Variants in MMP24 observed in about 807,000 individuals in gnomAD.
The protein encoded by MMP24 is matrix metallopeptidase 24, also known as matrix metalloproteinase-24.
In MMP24, 25 loss-of-function variants were observed where a neutral mutation model predicts 62.8. The observed-to-expected ratio is 0.40, with a 90% CI of 0.29 to 0.56. The LOEUF is 0.56. Among genes scored for constraint, MMP24 ranks in the 20% least tolerant of loss-of-function variants. MMP24 has a pLI of 0.50. For synonymous variants in MMP24, 319 were observed against 350.5 expected (o/e 0.91, Z 1.00); for missense variants, 634 against 853.6 (o/e 0.74, Z 3.21).
intron 2 of MMP24, among the ~76,000 whole-genome samples, chr20:35,247,609 C>T (rs925492284): frequency 2.6e-5 from 4 of 152,112 alleles, no homozygotes; most frequent in East Asian, 1.9e-4. Context: ...TAAAGATTCA[C>T]GGGCAGGGTG....
At position 35,241,518 on chromosome 20, in the gene MMP24, G is replaced by GTGTTTAGTTCTGGCCTA. The variant is rs375823632; in HGVS notation, c.247-5319_247-5318insTTAGTTCTGGCCTATGT. Among the ~76,000 whole-genome samples the GTGTTTAGTTCTGGCCTA allele has an allele frequency of 2.9e-3, 447 of 152,218 alleles. 3 individuals are homozygous for GTGTTTAGTTCTGGCCTA. The highest frequency in any genetic ancestry group is 9.1e-3 in the African/African-American group (378 of 41,538). Reference sequence around the variant, plus strand: ...ACTAATACTGGCCCACCCCCACCATGTGTCTGATCCATCCCAGTGTTTAGT... The same window carrying GTGTTTAGTTCTGGCCTA: ...ACTAATACTGGCCCACCCCCACCATGTGTTTAGTTCTGGCCTATGTCTGATCCATCCCAGTGTTTAGT... On this transcript the variant is annotated intron_variant, in intron 1 of 8. Transcript: ENST00000246186.
intron 1 of MMP24, among the ~76,000 whole-genome samples, chr20:35,241,516 A>ATGTGTTTAGTTCTGGCC (rs889330943): frequency 6.6e-6 from 1 of 151,274 alleles, no homozygotes; most frequent in African/African-American, 2.5e-5. Flanking sequence ...CACCCCCACC[A>ATGTGTTTAGTTCTGGCC]TGTGTCTGAT....
Position 35,276,764 on chromosome 20 carries a change from G to A in MMP24, c.*2155G>A, listed in dbSNP as rs1381629795. The A allele has an allele frequency of 6.5e-6, 1 of 153,688 alleles. No homozygotes were observed. Among genetic ancestry groups the A allele is most frequent in the African/African-American group, 2.4e-5 (1 of 41,530 alleles). 9.5% of individuals were successfully genotyped at this position (153,688 alleles called of 1,614,324 possible). On this transcript the variant is annotated 3_prime_UTR_variant, in exon 9 of 9. Coordinates refer to ENST00000246186, the MANE Select transcript of MMP24 (RefSeq NM_006690.4). ...TGCAGAGGTGAGGGATGTGGGGCCA[G>A]GCCCAGAGGGCTCAGCCTAGAGGCT...
Position 35,259,979 on chromosome 20 carries a change from A to T in MMP24, c.818-3812A>T, listed in dbSNP as rs1202729582. Reference sequence around the variant, plus strand: ...CTTCTATCTTCCAGAGGAAGAATTTAAAATGTCACACTGCTAGGACATGGC... The same window carrying T: ...CTTCTATCTTCCAGAGGAAGAATTTTAAATGTCACACTGCTAGGACATGGC... On this transcript the variant is annotated intron_variant, in intron 4 of 8. Transcript: ENST00000246186. Among the ~76,000 whole-genome samples the T allele has an allele frequency of 2.6e-5, 4 of 152,326 alleles. No individual in the cohort carries two copies. In the East Asian group the frequency reaches 7.7e-4, roughly 29 times the overall value.
At position 35,269,697 on chromosome 20, in the gene MMP24, C is replaced by T. The variant is rs1404893372; in HGVS notation, c.1195-63C>T. The T allele has an allele frequency of 6.5e-7, 1 of 1,538,200 alleles. No individual in the cohort carries two copies. Among genetic ancestry groups the T allele is most frequent in the African/African-American group, 1.4e-5 (1 of 72,918 alleles). ...TGTTGGGACCTAAGCCCCACAGCTGCAATCACTGGGTTCGGAGGCAGGGCC... is the reference window on the plus strand; with the variant it reads ...TGTTGGGACCTAAGCCCCACAGCTGTAATCACTGGGTTCGGAGGCAGGGCC... On this transcript the variant is annotated intron_variant, in intron 6 of 8. Transcript: ENST00000246186. This position sits in a 1 kb window ranked among gnomAD's most constrained non-coding sequence, Gnocchi z 4.6.
intron 1 of MMP24, among the ~76,000 whole-genome samples, chr20:35,229,585 C>T (rs1489957817): frequency 6.6e-6 from 1 of 152,180 alleles, no homozygotes; most frequent in Non-Finnish European, 1.5e-5. Flanking sequence ...TAGGGGATCA[C>T]TTGATTGACA....
In MMP24 at chr20:35,276,009, T is replaced by G; in HGVS notation, c.*1400T>G. On this transcript the variant is annotated 3_prime_UTR_variant, in exon 9 of 9. Coordinates refer to ENST00000246186, the MANE Select transcript of MMP24 (RefSeq NM_006690.4). ...GCCCTAGACAAGGCCAATGGGTTCATCAATGCCCACTGGCTCTCTGCCAAA... is the reference window on the plus strand; with the variant it reads ...GCCCTAGACAAGGCCAATGGGTTCAGCAATGCCCACTGGCTCTCTGCCAAA... 1 of 398,604 alleles carries G rather than the reference T, an allele frequency of 2.5e-6. No individual in the cohort carries two copies. 24.7% of individuals were successfully genotyped at this position (398,604 alleles called of 1,614,324 possible).
At chr20:35,238,280 C>T (rs1175921676) in intron 1 of MMP24, among the ~76,000 whole-genome samples, 1 of 152,158 alleles carries the variant, frequency 6.6e-6, no homozygotes, top group African/African-American at 2.4e-5. Context: ...CCTGTGCTAG[C>T]TGTTGGGGTG....
Position 35,246,866 on chromosome 20 carries a change from G to A in MMP24, c.273G>A (p.Leu91=). The change falls in exon 2 of 9, where the codon CTG becomes CTA. Residue 91 remains leucine, a synonymous_variant. Transcript: ENST00000246186. ...ACTGGTTAAAGTCCTATGGCTATCT[G>A]CTTCCCTATGACTCACGGGCATCTG... The part of the protein sequence containing the change: ...GQNWLKSYGY[L]LPYDSRASAL... 2 of 1,613,982 alleles carry A rather than the reference G, an allele frequency of 1.2e-6. No homozygotes were observed. Among genetic ancestry groups the A allele is most frequent in the Non-Finnish European group, 1.7e-6 (2 of 1,179,880 alleles).
In MMP24 at chr20:35,274,311, T is replaced by A; in HGVS notation, c.1640T>A (p.Phe547Tyr). Residue 547 changes from phenylalanine to tyrosine, a missense_variant, in exon 9 of 9, where the codon TTT becomes TAT. Phe to Tyr is a conservative substitution (Grantham distance 22, BLOSUM62 3). Transcript: ENST00000246186. The surrounding 1 kb of genome is among the most constrained non-coding windows in gnomAD (Gnocchi z 5.1). ...TACAAGGGCCGGGACTACTGGAAGTTTGACAACCAGAAACTGAGCGTGGAG... is the reference window on the plus strand; with the variant it reads ...TACAAGGGCCGGGACTACTGGAAGTATGACAACCAGAAACTGAGCGTGGAG... ...YFYKGRDYWKFDNQKLSVEPG... is the reference protein window; with the variant it reads ...YFYKGRDYWKYDNQKLSVEPG... The A allele has an allele frequency of 2.5e-6, 4 of 1,613,282 alleles. No homozygotes were observed. The highest frequency in any genetic ancestry group is 3.4e-6 in the Non-Finnish European group (4 of 1,179,820).
chr20:35,250,979 A>G (rs919402505), intron 2 of MMP24, among the ~76,000 whole-genome samples: 5 of 152,246 alleles, frequency 3.3e-5, no homozygotes, highest in African/African-American at 9.6e-5. Context: ...TGAGGATACA[A>G]TGATGAATAG....
intron 1 of MMP24, among the ~76,000 whole-genome samples, chr20:35,228,152 T>C (rs1024219282): frequency 3.2e-4 from 48 of 152,200 alleles, no homozygotes; most frequent in African/African-American, 1.1e-3. Flanking sequence ...ATATTCTTAA[T>C]TGGGCATGGA....
intron 5 of MMP24, 115 bp downstream of exon 5, chr20:35,264,067 T>C (rs1217119385): frequency 8.6e-7 from 1 of 1,157,014 alleles, no homozygotes; most frequent in East Asian, 2.8e-5. Context: ...GCACTGCTGC[T>C]GTTTCTCTGT....
intron 4 of MMP24, among the ~76,000 whole-genome samples, chr20:35,255,541 T>G (rs1265654599): frequency 6.6e-6 from 1 of 152,134 alleles, no homozygotes; most frequent in Admixed American, 6.5e-5. Context: ...CAATGAATAT[T>G]TATGGAGGCA....
At chr20:35,244,131 T>C (rs376647571) in intron 1 of MMP24, among the ~76,000 whole-genome samples, 23 of 152,328 alleles carry the variant, frequency 1.5e-4, no homozygotes, top group African/African-American at 4.8e-4. Context: ...ATTTGACTTA[T>C]AATAAAAGAC....
chr20:35,241,860 T>C lies in MMP24; in HGVS notation c.247-4980T>C, dbSNP rs191317842. Among the ~76,000 whole-genome samples the C allele has an allele frequency of 9.2e-5, 14 of 152,318 alleles. No individual in the cohort carries two copies. In the East Asian group the frequency reaches 2.1e-3, roughly 23 times the overall value. Reference sequence around the variant, plus strand: ...AGGTGGATGCTCAAAAAATACTCCATTGGCTGACTGGCTTGTGAGTAGTTA... The same window carrying C: ...AGGTGGATGCTCAAAAAATACTCCACTGGCTGACTGGCTTGTGAGTAGTTA... On this transcript the variant is annotated intron_variant, in intron 1 of 8. Coordinates refer to ENST00000246186, the MANE Select transcript of MMP24 (RefSeq NM_006690.4).
chr20:35,267,209 C>G lies in MMP24; in HGVS notation c.984C>G (p.Pro328=). ...DLQGIQKIYG[P]PAEPLEPTRP... ...AGATGCAGCTCCTCTCTCCAGGACC[C>G]CCAGCCGAGCCTCTGGAGCCCACAA... Residue 328 remains proline, a synonymous_variant, in exon 6 of 9, where the codon CCC becomes CCG. Transcript: ENST00000246186. The G allele has an allele frequency of 6.3e-7, 1 of 1,589,528 alleles. No individual in the cohort carries two copies. The highest frequency in any genetic ancestry group is 8.6e-7 in the Non-Finnish European group (1 of 1,169,082).
chr20:35,243,622 AAGG>A (rs963358553), intron 1 of MMP24, among the ~76,000 whole-genome samples: 17 of 151,726 alleles, frequency 1.1e-4, no homozygotes, highest in Non-Finnish European at 1.2e-4. Flanking sequence ...GGAGGAGGAG[AAGG>A]AGGAGGAGGA....
intron 1 of MMP24, among the ~76,000 whole-genome samples, chr20:35,242,067 T>C (rs1265083932): frequency 1.3e-5 from 2 of 152,176 alleles, no homozygotes; most frequent in African/African-American, 4.8e-5. Flanking sequence ...CTTGTGGCTC[T>C]ACGCCTGTAA....
Sources: allele counts gnomAD v4.1 joint callset (sites outside exome capture counted in the v4.1 genomes callset), GRCh38; gene constraint gnomAD v4.1.1; non-coding constraint Gnocchi (gnomAD v3.1); transcripts MANE v1.5; gene names NCBI Gene and HGNC (gene_info 2026-07-23, HGNC 2026-07-21).